Variants in ODR4 observed in about 807,000 individuals in gnomAD.
ODR4 encodes odr-4 GPCR localization factor homolog.
Under a neutral mutation model 60.2 loss-of-function variants are expected in ODR4, and 47 were observed. The observed-to-expected ratio is 0.78, with a 90% CI of 0.62 to 1.00. ODR4 has a LOEUF of 1.00. Among genes scored for constraint, ODR4 ranks in the 50% least tolerant of loss-of-function variants. ODR4 has a pLI of 0.00. For synonymous variants in ODR4, 178 were observed against 175.5 expected (o/e 1.01, Z -0.11); for missense variants, 488 against 530.8 (o/e 0.92, Z 0.79).
chr1:186,423,524 G>A (rs551139075), downstream of ODR4, among the ~76,000 whole-genome samples: 170 of 134,498 alleles, frequency 1.3e-3, no homozygotes, highest in Non-Finnish European at 2.0e-3. Context: ...GCGTGATCTC[G>A]GCTCACTGCG....
intron 2 of ODR4, among the ~76,000 whole-genome samples, chr1:186,380,431 CTAATT>C (rs1354851599): frequency 6.6e-6 from 1 of 152,034 alleles, no homozygotes; most frequent in African/African-American, 2.4e-5. Context: ...TAGACAAATT[CTAATT>C]TCCTCTTAGA....
chr1:186,407,221 T>C (rs1661207172), intron 12 of ODR4, among the ~76,000 whole-genome samples: 1 of 152,124 alleles, frequency 6.6e-6, no homozygotes, highest in Non-Finnish European at 1.5e-5. Context: ...TCTAATCCCA[T>C]GAAAACTAAT....
chr1:186,389,448 A>G (rs1278179456), intron 5 of ODR4, 140 bp from the exon 6 acceptor site: 40 of 636,778 alleles, frequency 6.3e-5, no homozygotes, highest in Non-Finnish European at 9.3e-5. Flanking sequence ...ATGTACATAT[A>G]TGTACGCATA....
intron 4 of ODR4, 136 bp downstream of exon 4, chr1:186,386,219 G>A (rs144440251): frequency 2.9e-5 from 15 of 508,620 alleles, no homozygotes; most frequent in Middle Eastern, 1.0e-3. Flanking sequence ...CATTGAAAAA[G>A]CTTTTGTCAC....
At chr1:186,395,870 C>T (rs951136858) in intron 9 of ODR4, among the ~76,000 whole-genome samples, 5 of 152,084 alleles carry the variant, frequency 3.3e-5, no homozygotes, top group African/African-American at 4.8e-5. Flanking sequence ...GTACTCCTTG[C>T]TCAAAATTTC....
chr1:186,402,476 T>G (rs1661021344), intron 11 of ODR4, among the ~76,000 whole-genome samples: 1 of 151,916 alleles, frequency 6.6e-6, no homozygotes, highest in African/African-American at 2.4e-5. Context: ...TGTAGCTCAC[T>G]GCAGCCTTGA....
chr1:186,421,708 A>T (rs1019661325), downstream of ODR4, among the ~76,000 whole-genome samples: 95 of 151,916 alleles, frequency 6.3e-4, 2 homozygotes, highest in Non-Finnish European at 1.5e-4. Flanking sequence ...ACCAAAATAC[A>T]CAAAAATCAG....
Position 186,421,066 on chromosome 1 carries a change from AAAGAGGGT to A in ODR4, c.*1992_*1999del, listed in dbSNP as rs1252030307. 1 of 152,198 alleles carries A rather than the reference AAAGAGGGT, an allele frequency of 6.6e-6. No individual in the cohort carries two copies. Among genetic ancestry groups the A allele is most frequent in the Non-Finnish European group, 1.5e-5 (1 of 68,034 alleles). The allele number at this position is 152,198 out of a possible 1,614,324, so 9.4% of individuals were successfully genotyped here. On this transcript the variant is annotated 3_prime_UTR_variant, in exon 14 of 14. Coordinates refer to ENST00000287859, the MANE Select transcript of ODR4 (RefSeq NM_017847.6). ...CTTCCTAACAGCAACAATGTACCCA[AAAGAGGGT>A]AGAATTCTGAGAAAAACTATTAGCT...
chr1:186,376,475 G>C (rs899281661), intron 1 of ODR4, among the ~76,000 whole-genome samples: 2 of 152,140 alleles, frequency 1.3e-5, no homozygotes, highest in African/African-American at 4.8e-5. Context: ...TGCATTCCCA[G>C]TGTCGTCTCT....
chr1:186,413,946 CTT>C (rs1312776926), intron 12 of ODR4, among the ~76,000 whole-genome samples: 5 of 152,150 alleles, frequency 3.3e-5, no homozygotes, highest in African/African-American at 1.2e-4. Context: ...CAAGAATACT[CTT>C]AACATGATCA....
At chr1:186,410,243 A>G (rs896307188) in intron 12 of ODR4, among the ~76,000 whole-genome samples, 11 of 152,238 alleles carry the variant, frequency 7.2e-5, no homozygotes, top group African/African-American at 2.7e-4. Flanking sequence ...GTAGTATAGT[A>G]TATTGAACAT....
intron 2 of ODR4, among the ~76,000 whole-genome samples, chr1:186,382,196 CAG>C (rs1290521290): frequency 6.9e-6 from 1 of 144,370 alleles, no homozygotes; most frequent in East Asian, 2.0e-4. Context: ...GCTTGAAGGT[CAG>C]AGTTTGACCT....
rs182402864 is a variant in ODR4, at chr1:186,396,320, T to G, written c.781-1993T>G. On this transcript the variant is annotated intron_variant, in intron 9 of 13. Coordinates refer to ENST00000287859, the MANE Select transcript of ODR4 (RefSeq NM_017847.6). ...AGTCAGACCTTACATTCTTTAAAAC[T>G]TTTCCTGGCTGAGCATGGTAGCTCA... 1.9e-3 allele frequency among the ~76,000 whole-genome samples: 285 copies of G among 152,284 alleles called. 1 individual carries two copies. The highest frequency in any genetic ancestry group is 6.5e-3 in the African/African-American group (269 of 41,558).
chr1:186,418,955 G>A (rs1051409625), intron 13 of ODR4, 54 bp from the exon 14 acceptor site: 33 of 1,484,528 alleles, frequency 2.2e-5, no homozygotes, highest in Non-Finnish European at 2.9e-5. Context: ...GATTAGTTTG[G>A]CCTTTCTTTT....
chr1:186,384,959 C>T (rs1660197689), intron 3 of ODR4, among the ~76,000 whole-genome samples: 1 of 152,000 alleles, frequency 6.6e-6, no homozygotes, highest in African/African-American at 2.4e-5. Context: ...ACTCTAATCT[C>T]TGAGTGTAGA....
At chr1:186,429,613 G>A in the ODR4 span, among the ~76,000 whole-genome samples, 7 of 151,984 alleles carry the variant, frequency 4.6e-5, no homozygotes, top group African/African-American at 1.7e-4. Context: ...TGACAATTCT[G>A]GGGACAAATA....
chr1:186,377,100 T>C (rs1388029759), intron 1 of ODR4, among the ~76,000 whole-genome samples: 1 of 152,238 alleles, frequency 6.6e-6, no homozygotes, highest in Non-Finnish European at 1.5e-5. Context: ...TTAAATGGTG[T>C]AGCATTTGCA....
chr1:186,381,235 C>T (rs1041764105), intron 2 of ODR4, among the ~76,000 whole-genome samples: 1 of 152,122 alleles, frequency 6.6e-6, no homozygotes, highest in Non-Finnish European at 1.5e-5. Context: ...GAGAAAGACC[C>T]TCTTCTAAAT....
chr1:186,389,547 A>G (rs370380390), intron 5 of ODR4, 41 bp from the exon 6 acceptor site: 16 of 1,440,474 alleles, frequency 1.1e-5, no homozygotes, highest in African/African-American at 1.4e-5. Flanking sequence ...TTAGTTACCA[A>G]TAATGCCTTT....
Sources: allele counts gnomAD v4.1 joint callset (sites outside exome capture counted in the v4.1 genomes callset), GRCh38; gene constraint gnomAD v4.1.1; transcripts MANE v1.5; gene names NCBI Gene and HGNC (gene_info 2026-07-23, HGNC 2026-07-21).